The following HTR2B variants were observed in gnomAD, a reference collection of about 807,000 sequenced individuals.
HTR2B encodes 5-hydroxytryptamine receptor 2B, also known as 5-HT 2B receptor.
HTR2B carries 31 observed loss-of-function variants against 39.8 expected under a neutral mutation model. The ratio of observed to expected loss-of-function variants is 0.78; its 90% CI spans 0.58 to 1.05. The LOEUF (loss-of-function observed/expected upper bound fraction) is 1.05, where lower values mean the gene tolerates loss of function less well. HTR2B is among the 50% of genes least tolerant of loss of function. The pLI is 0.00. For missense variants in HTR2B, 562 were observed against 578.0 expected, an observed-to-expected ratio of 0.97 and a Z score of 0.28; for synonymous variants, 210 against 207.1, an observed-to-expected ratio of 1.01 and a Z score of -0.12.
rs1265503505 is a variant in HTR2B, at chr2:231,108,480, T to TA, written c.*36dup. ...CACATTTACATCTCATTCATCATCT[T>TA]ACTCATCATTATGTTTGATGACAAC... On this transcript the variant is annotated 3_prime_UTR_variant, in exon 4 of 4. Coordinates refer to ENST00000258400, the MANE Select transcript of HTR2B (RefSeq NM_000867.5). The TA allele has an allele frequency of 6.8e-7, 1 of 1,480,916 alleles. No homozygotes were observed. The highest frequency in any genetic ancestry group is 1.4e-5 in the African/African-American group (1 of 72,276). The allele number at this position is 1,480,916 out of a possible 1,614,324, so 91.7% of individuals were successfully genotyped here. A position where few individuals can be genotyped will look rare whatever the true frequency, so the allele number is the denominator to read the frequency against.
At chr2:231,121,526 A>G (rs1216505730) in intron 2 of HTR2B, among the ~76,000 whole-genome samples, 4 of 152,188 alleles carry the variant, frequency 2.6e-5, no homozygotes, top group South Asian at 2.1e-4. Context: ...TGCTAAGGAT[A>G]TGTTGGGTAC....
intron 3 of HTR2B, among the ~76,000 whole-genome samples, chr2:231,109,618 G>C (rs1469496519): frequency 6.6e-6 from 1 of 152,168 alleles, no homozygotes; most frequent in African/African-American, 2.4e-5. Context: ...ACGGAGATTG[G>C]TTAGTAATTT....
intron 2 of HTR2B, among the ~76,000 whole-genome samples, chr2:231,116,829 A>G (rs1275843928): frequency 1.3e-5 from 2 of 152,134 alleles, no homozygotes; most frequent in African/African-American, 4.8e-5. Flanking sequence ...ACTGAAATTT[A>G]TAAGAGAGAT....
chr2:231,123,936 C>T lies in HTR2B; in HGVS notation c.-172G>A. On this transcript the variant is annotated 5_prime_UTR_variant, in exon 2 of 4. In the 5' UTR this introduces an upstream ATG that the reference lacks. Transcript: ENST00000258400. ...AAGTTCTCTAAAATGAGCGCATACA[C>T]ACATCTGTCCATGTTTGTAGGTAAG... 6 of 645,708 alleles carry T rather than the reference C, an allele frequency of 9.3e-6. No individual in the cohort carries two copies. The highest frequency in any genetic ancestry group is 1.8e-5 in the African/African-American group (1 of 54,968). The allele number at this position is 645,708 out of a possible 1,614,324, so 40.0% of individuals were successfully genotyped here. A position where few individuals can be genotyped will look rare whatever the true frequency, so the allele number is the denominator to read the frequency against.
rs1695051524 is a variant in HTR2B, at chr2:231,108,804, A to G, written c.1159T>C (p.Phe387Leu). 1 of 1,614,060 alleles carries G rather than the reference A, an allele frequency of 6.2e-7. No individual in the cohort carries two copies. The highest frequency in any genetic ancestry group is 1.7e-5 in the Admixed American group (1 of 60,002). ...PLVYTLFNKT[F>L]RDAFGRYITC... ...ATATATCGGCCAAATGCATCCCGAA[A>G]TGTCTTATTGAAGAGGGTGTAGACC... Residue 387 changes from phenylalanine to leucine, a missense_variant, in exon 4 of 4, where the codon TTT becomes CTT. Physicochemically the swap from Phe to Leu is conservative, Grantham distance 22 (BLOSUM62 0). Coordinates refer to ENST00000258400, the MANE Select transcript of HTR2B (RefSeq NM_000867.5).
chr2:231,121,532 G>A (rs936150135), intron 2 of HTR2B, among the ~76,000 whole-genome samples: 3 of 151,868 alleles, frequency 2.0e-5, no homozygotes, highest in African/African-American at 4.8e-5. Flanking sequence ...GGATATGTTG[G>A]GTACCAGCAT....
At chr2:231,112,304 A>G (rs1695180492) in intron 3 of HTR2B, among the ~76,000 whole-genome samples, 1 of 152,160 alleles carries the variant, frequency 6.6e-6, no homozygotes, top group Non-Finnish European at 1.5e-5. Flanking sequence ...CCCTTTCTGT[A>G]GCTGCTTTTG....
chr2:231,116,032 C>CT (rs1164504971), intron 2 of HTR2B, among the ~76,000 whole-genome samples: 5 of 152,028 alleles, frequency 3.3e-5, no homozygotes, highest in African/African-American at 1.2e-4. Context: ...CTTGGAATGT[C>CT]TCATGGAAAG....
Position 231,108,491 on chromosome 2 carries a change from A to G in HTR2B, c.*26T>C. 3.2e-6 allele frequency: 5 copies of G among 1,555,584 alleles called. No homozygotes were observed. The highest frequency in any genetic ancestry group is 2.2e-5 in the East Asian group (1 of 44,546). On this transcript the variant is annotated 3_prime_UTR_variant, in exon 4 of 4. Coordinates refer to ENST00000258400, the MANE Select transcript of HTR2B (RefSeq NM_000867.5). Reference sequence around the variant, plus strand: ...CTCATTCATCATCTTACTCATCATTATGTTTGATGACAACTGCCAGTTCTG... The same window carrying G: ...CTCATTCATCATCTTACTCATCATTGTGTTTGATGACAACTGCCAGTTCTG...
chr2:231,119,034 TA>T (rs1695441554), intron 2 of HTR2B, among the ~76,000 whole-genome samples: 1 of 152,260 alleles, frequency 6.6e-6, no homozygotes, highest in African/African-American at 2.4e-5. Flanking sequence ...TTTTGTTTTT[TA>T]CTTTTTTCAC....
chr2:231,117,803 C>G (rs1003734227), intron 2 of HTR2B, among the ~76,000 whole-genome samples: 4 of 152,090 alleles, frequency 2.6e-5, no homozygotes, highest in African/African-American at 9.7e-5. Context: ...CACAAGTATT[C>G]TTTTCCACTT....
At chr2:231,116,831 AAG>A (rs765208703) in intron 2 of HTR2B, among the ~76,000 whole-genome samples, 2 of 152,124 alleles carry the variant, frequency 1.3e-5, no homozygotes, top group Admixed American at 6.5e-5. Context: ...TGAAATTTAT[AAG>A]AGAGATGAAT....
chr2:231,110,713 G>A (rs1386077400), intron 3 of HTR2B, among the ~76,000 whole-genome samples: 2 of 152,182 alleles, frequency 1.3e-5, no homozygotes, highest in Non-Finnish European at 2.9e-5. Context: ...TCTACACCAG[G>A]GGTCATTATA....
At chr2:231,113,440 A>G (rs1469098370) in intron 3 of HTR2B, among the ~76,000 whole-genome samples, 1 of 152,246 alleles carries the variant, frequency 6.6e-6, no homozygotes, top group Non-Finnish European at 1.5e-5. Context: ...CTGTTCTCAA[A>G]CTTAACCTTT....
chr2:231,111,618 G>T (rs1695159180), intron 3 of HTR2B, among the ~76,000 whole-genome samples: 1 of 152,148 alleles, frequency 6.6e-6, no homozygotes, highest in Admixed American at 6.5e-5. Flanking sequence ...TGAGCTTATT[G>T]TCATCTGCAT....
Position 231,108,468 on chromosome 2 carries a change from C to T in HTR2B, c.*49G>A. On this transcript the variant is annotated 3_prime_UTR_variant, in exon 4 of 4. Coordinates refer to ENST00000258400, the MANE Select transcript of HTR2B (RefSeq NM_000867.5). ...ATATATTCTTGGCACATTTACATCT[C>T]ATTCATCATCTTACTCATCATTATG... 1.5e-6 allele frequency: 2 copies of T among 1,348,834 alleles called. No individual in the cohort carries two copies. The highest frequency in any genetic ancestry group is 2.1e-6 in the Non-Finnish European group (2 of 942,750). 83.6% of individuals were successfully genotyped at this position (1,348,834 alleles called of 1,614,324 possible).
intron 3 of HTR2B, among the ~76,000 whole-genome samples, chr2:231,111,318 C>T (rs549056996): frequency 6.6e-6 from 1 of 152,234 alleles, no homozygotes; most frequent in Admixed American, 6.5e-5. Context: ...CTTCTGTTTC[C>T]TGTTATTTTT....
intron 3 of HTR2B, among the ~76,000 whole-genome samples, chr2:231,113,035 G>A (rs773629372): frequency 6.6e-6 from 1 of 152,054 alleles, no homozygotes; most frequent in Non-Finnish European, 1.5e-5. Context: ...CATGGGGGGT[G>A]TGTCTGTAGT....
chr2:231,108,358 C>G lies in HTR2B; in HGVS notation c.*159G>C. ...TATTTTCCTCATGGAATAATCTTGT[C>G]CAAATTAGGAAAATTAGATATTCTT... On this transcript the variant is annotated 3_prime_UTR_variant, in exon 4 of 4. Transcript: ENST00000258400. 2 of 611,928 alleles carry G rather than the reference C, an allele frequency of 3.3e-6. No homozygotes were observed. Among genetic ancestry groups the G allele is most frequent in the African/African-American group, 3.7e-5 (2 of 54,252 alleles). The allele number at this position is 611,928 out of a possible 1,614,324, so 37.9% of individuals were successfully genotyped here. A position where few individuals can be genotyped will look rare whatever the true frequency, so the allele number is the denominator to read the frequency against.
Sources: gnomAD v4.1 joint callset for allele counts (sites outside exome capture counted in the v4.1 genomes callset) on GRCh38, gnomAD v4.1.1 for gene constraint, MANE v1.5 for transcripts, NCBI Gene and HGNC (gene_info 2026-07-23, HGNC 2026-07-21) for gene names.